Variants in CDC14A observed in about 807,000 individuals in gnomAD.
CDC14A encodes the protein cell division cycle 14A, also known as dual specificity protein phosphatase CDC14A.
In CDC14A, 53 loss-of-function variants were observed where a neutral mutation model predicts 74.4. That is an observed-to-expected ratio of 0.71 (90% confidence interval 0.57 to 0.89). The LOEUF is 0.89. CDC14A is among the 40% of genes least tolerant of loss of function. The pLI is 0.00. For synonymous variants in CDC14A, 247 were observed against 258.4 expected (o/e 0.96, Z 0.43); for missense variants, 646 against 713.7 (o/e 0.91, Z 1.08).
chr1:100,502,940 A>G (rs1648907369), intron 15 of CDC14A, among the ~76,000 whole-genome samples: 1 of 152,138 alleles, frequency 6.6e-6, no homozygotes, highest in Non-Finnish European at 1.5e-5. Flanking sequence ...TTATCATCTT[A>G]TTGTAAAGAA....
intron 2 of CDC14A, among the ~76,000 whole-genome samples, chr1:100,369,758 T>A (rs530127115): frequency 6.6e-6 from 1 of 152,230 alleles, no homozygotes; most frequent in East Asian, 1.9e-4. Context: ...GTTTGCTTTT[T>A]GAGGACTTAG....
chr1:100,387,559 G>GCAA (rs201143030), intron 3 of CDC14A, among the ~76,000 whole-genome samples: 2,311 of 152,262 alleles, frequency 0.015, 57 homozygotes, highest in African/African-American at 0.053. Context: ...CCTGTGGGGA[G>GCAA]TTTCTCATAG....
intron 4 of CDC14A, chr1:100,393,661 C>A: frequency 3.7e-6 from 2 of 544,990 alleles, no homozygotes; most frequent in East Asian, 4.0e-5. Flanking sequence ...AAATATGGAT[C>A]AAGTGGTCAA....
chr1:100,511,202 A>G (rs1018362046), intron 15 of CDC14A, among the ~76,000 whole-genome samples: 1 of 152,016 alleles, frequency 6.6e-6, no homozygotes, highest in African/African-American at 2.4e-5. Context: ...GTGCACATCC[A>G]AGTTGGTAGG....
At chr1:100,368,701 A>G (rs1230676447) in intron 2 of CDC14A, among the ~76,000 whole-genome samples, 1 of 152,220 alleles carries the variant, frequency 6.6e-6, no homozygotes, top group Non-Finnish European at 1.5e-5. Flanking sequence ...GGTAGTGAGC[A>G]TAGTTCCCAA....
intron 10 of CDC14A, among the ~76,000 whole-genome samples, chr1:100,482,208 A>C (rs1226805175): frequency 6.6e-6 from 1 of 152,136 alleles, no homozygotes; most frequent in Non-Finnish European, 1.5e-5. Flanking sequence ...AATTTTTTTC[A>C]ACTAGCCTCT....
At chr1:100,483,377 C>G (rs1017211929) in intron 10 of CDC14A, among the ~76,000 whole-genome samples, 1 of 152,070 alleles carries the variant, frequency 6.6e-6, no homozygotes. Flanking sequence ...TATGTGAAAT[C>G]TTTGTGAGAA....
intron 11 of CDC14A, among the ~76,000 whole-genome samples, chr1:100,488,823 A>G (rs980797368): frequency 1.3e-5 from 2 of 152,202 alleles, no homozygotes; most frequent in Non-Finnish European, 2.9e-5. Context: ...TTAAATCTCT[A>G]ATGTCCTGCT....
intron 4 of CDC14A, among the ~76,000 whole-genome samples, chr1:100,403,801 C>T (rs185030810): frequency 2.0e-5 from 3 of 152,256 alleles, no homozygotes; most frequent in East Asian, 1.9e-4. Flanking sequence ...GCTAGGTCAA[C>T]GTTGTGGGCC....
At chr1:100,470,724 A>C (rs1668307566) in intron 10 of CDC14A, among the ~76,000 whole-genome samples, 2 of 152,194 alleles carry the variant, frequency 1.3e-5, no homozygotes, top group Admixed American at 6.5e-5. Context: ...GCCATCAGGG[A>C]AATAGAAATT....
intron 12 of CDC14A, 29 bp from the exon 13 acceptor site, chr1:100,495,973 A>G: frequency 6.2e-7 from 1 of 1,604,300 alleles, no homozygotes. Context: ...CCCTGGTGAT[A>G]TGTGAGCATC....
In CDC14A at chr1:100,475,908, A is replaced by G. The variant is rs184399878; in HGVS notation, c.977+7814A>G. On this transcript the variant is annotated intron_variant, in intron 10 of 15. Transcript: ENST00000336454. ...GGGGGATCTCATTATCTGACTCCCAACTTAGCCTTCTTTGACACTTCTGTG... is the reference window on the plus strand; with the variant it reads ...GGGGGATCTCATTATCTGACTCCCAGCTTAGCCTTCTTTGACACTTCTGTG... 1.4e-3 allele frequency among the ~76,000 whole-genome samples: 206 copies of G among 152,218 alleles called. 2 individuals carry two copies. Among genetic ancestry groups the G allele is most frequent in the African/African-American group, 4.7e-3 (194 of 41,544 alleles).
intron 10 of CDC14A, among the ~76,000 whole-genome samples, chr1:100,471,911 T>C (rs1436177384): frequency 1.3e-5 from 2 of 152,154 alleles, no homozygotes; most frequent in African/African-American, 4.8e-5. Flanking sequence ...CATAAAATAA[T>C]GTATTCATAC....
chr1:100,409,176 ACT>A (rs149569520), intron 4 of CDC14A, among the ~76,000 whole-genome samples: 9,957 of 151,808 alleles, frequency 0.066, 672 homozygotes, highest in African/African-American at 0.17. Flanking sequence ...GTGCAGGGAA[ACT>A]CTCCTTTTTA....
Position 100,393,962 on chromosome 1 carries a change from A to AAAAT in CDC14A, c.309+3139_309+3140insAATA, listed in dbSNP as rs1553174900. 7.6e-4 allele frequency: 166 copies of AAAAT among 217,820 alleles called. No individual in the cohort carries two copies. The South Asian group carries it at 9.5e-3, about 13-fold the overall frequency. 13.5% of individuals were successfully genotyped at this position (217,820 alleles called of 1,614,324 possible). The stretch of plus-strand genomic sequence containing the variant: ...GTTCCCCCTCCCCACCGCAAAAAAA[A>AAAAT]ATATATATATATATAGCAGTGCATC... On this transcript the variant is annotated intron_variant, in intron 4 of 15. Coordinates refer to ENST00000336454, the MANE Select transcript of CDC14A (RefSeq NM_003672.4).
rs756770855 is a variant in CDC14A at position 100,494,863 on chromosome 1, C to T, written c.1183C>T (p.Gln395Ter). 8 of 1,613,094 alleles carry T rather than the reference C, an allele frequency of 5.0e-6. No individual in the cohort carries two copies. Among genetic ancestry groups the T allele is most frequent in the Admixed American group, 3.3e-5 (2 of 59,972 alleles). ...TGTGGAAATGAAAAATGGTATAACC[C>T]AGGGAGACAAACTACGTGCCTTAAA... ...DDVEMKNGIT[Q>*]GDKLRALKSQ... Residue 395 changes from glutamine to a stop codon, truncating the protein, a stop_gained, in exon 12 of 16, where the codon CAG becomes TAG. Transcript: ENST00000336454. LOFTEE classifies it high-confidence loss of function.
chr1:100,424,111 A>G (rs1282232223), intron 4 of CDC14A, 111 bp from the exon 5 acceptor site: 3 of 780,994 alleles, frequency 3.8e-6, no homozygotes, highest in East Asian at 2.5e-5. Flanking sequence ...GATCAACACT[A>G]TCACCGTAAC....
intron 4 of CDC14A, among the ~76,000 whole-genome samples, chr1:100,392,334 C>G (rs538727748): frequency 3.3e-5 from 5 of 152,282 alleles, no homozygotes; most frequent in African/African-American, 1.2e-4. Flanking sequence ...GATTCAAGCC[C>G]TGTAAACAAA....
At chr1:100,388,826 C>T (rs957894109) in intron 3 of CDC14A, among the ~76,000 whole-genome samples, 1 of 152,122 alleles carries the variant, frequency 6.6e-6, no homozygotes, top group East Asian at 1.9e-4. Flanking sequence ...GTTGGAATTA[C>T]AGGCATGAGC....
Sources: gnomAD v4.1 joint callset for allele counts (sites outside exome capture counted in the v4.1 genomes callset) on GRCh38, gnomAD v4.1.1 for gene constraint, MANE v1.5 for transcripts, NCBI Gene and HGNC (gene_info 2026-07-23, HGNC 2026-07-21) for gene names.